The following RHOJ variants were observed in gnomAD, a reference collection of about 807,000 sequenced individuals.
RHOJ encodes ras homolog family member J, also known as rho-related GTP-binding protein RhoJ.
A neutral mutation model predicts 23.4 loss-of-function variants in RHOJ; 11 were observed. The ratio of observed to expected loss-of-function variants is 0.47; its 90% CI spans 0.30 to 0.78. RHOJ has a LOEUF of 0.78. RHOJ is among the 30% of genes least tolerant of loss of function. RHOJ has a pLI of 0.08. For synonymous variants in RHOJ, 102 were observed against 102.7 expected (o/e 0.99, Z 0.04); for missense variants, 254 against 273.4 (o/e 0.93, Z 0.50).
intron 1 of RHOJ, among the ~76,000 whole-genome samples, chr14:63,268,266 A>G (rs188732541): frequency 1.3e-5 from 2 of 152,202 alleles, no homozygotes; most frequent in East Asian, 3.9e-4. Flanking sequence ...AAAGAATTCT[A>G]TTACTCCTGC....
At chr14:63,266,261 C>A (rs8017543) in intron 1 of RHOJ, among the ~76,000 whole-genome samples, 1 of 152,242 alleles carries the variant, frequency 6.6e-6, no homozygotes, top group South Asian at 2.1e-4. Context: ...TACTACAGAG[C>A]CTGTTTTGTC....
At chr14:63,235,705 A>C (rs1040075988) in intron 1 of RHOJ, among the ~76,000 whole-genome samples, 1 of 152,250 alleles carries the variant, frequency 6.6e-6, no homozygotes, top group Non-Finnish European at 1.5e-5. Context: ...TCTTAAAATA[A>C]TAACTGTCCC....
intron 4 of RHOJ, among the ~76,000 whole-genome samples, chr14:63,289,097 CCACAAGTT>C (rs1882170486): frequency 6.6e-6 from 1 of 152,190 alleles, no homozygotes; most frequent in African/African-American, 2.4e-5. Context: ...CTAAGCTAAA[CCACAAGTT>C]CACTTAGTCC....
At chr14:63,206,881 G>A (rs578186236) in intron 1 of RHOJ, among the ~76,000 whole-genome samples, 3 of 152,182 alleles carry the variant, frequency 2.0e-5, no homozygotes, top group Non-Finnish European at 4.4e-5. Context: ...CACATAGTAA[G>A]CATTCCTAAA....
intron 4 of RHOJ, among the ~76,000 whole-genome samples, chr14:63,286,225 C>T (rs1342336512): frequency 6.6e-6 from 1 of 152,126 alleles, no homozygotes; most frequent in African/African-American, 2.4e-5. Flanking sequence ...GTCACTTCAC[C>T]ACTGGTGTCT....
At chr14:63,239,198 G>A (rs563379548) in intron 1 of RHOJ, among the ~76,000 whole-genome samples, 3 of 152,040 alleles carry the variant, frequency 2.0e-5, no homozygotes, top group East Asian at 3.9e-4. Flanking sequence ...CGCAACCTCC[G>A]CCTCCCAGAT....
chr14:63,290,855 C>A (rs761629571), intron 4 of RHOJ, 23 bp from the exon 5 acceptor site: 4 of 1,590,602 alleles, frequency 2.5e-6, no homozygotes, highest in Admixed American at 1.8e-5. Context: ...ATCTCTCATG[C>A]CTTTCTCTCT....
At chr14:63,205,969 A>G (rs1043269797) in intron 1 of RHOJ, among the ~76,000 whole-genome samples, 1 of 152,196 alleles carries the variant, frequency 6.6e-6, no homozygotes, top group African/African-American at 2.4e-5. Flanking sequence ...CTTTTTTATC[A>G]TAGTGATCTT....
At chr14:63,285,624 T>C (rs1043226788) in intron 4 of RHOJ, among the ~76,000 whole-genome samples, 6 of 152,228 alleles carry the variant, frequency 3.9e-5, no homozygotes, top group Non-Finnish European at 8.8e-5. Context: ...TAATTTATTA[T>C]AAATATTCAT....
At chr14:63,239,016 G>A (rs538604113) in intron 1 of RHOJ, among the ~76,000 whole-genome samples, 2 of 152,268 alleles carry the variant, frequency 1.3e-5, no homozygotes, top group South Asian at 2.1e-4. Flanking sequence ...GAAAGTGGGG[G>A]CCCAACTTAG....
chr14:63,277,362 G>C (rs1320160607), intron 2 of RHOJ, among the ~76,000 whole-genome samples: 1 of 152,176 alleles, frequency 6.6e-6, no homozygotes, highest in Non-Finnish European at 1.5e-5. Flanking sequence ...GGAGATGATA[G>C]TGAAGTACAG....
chr14:63,253,862 A>G lies in RHOJ; in HGVS notation c.179-15248A>G, dbSNP rs1238721251. On this transcript the variant is annotated intron_variant, in intron 1 of 4. Transcript: ENST00000316754. Reference sequence around the variant, plus strand: ...GAGTTTGTCTCAGGAGGTATGGCTAATATCCATTTATTTTCACTAATTCTT... The same window carrying G: ...GAGTTTGTCTCAGGAGGTATGGCTAGTATCCATTTATTTTCACTAATTCTT... 3.9e-5 allele frequency among the ~76,000 whole-genome samples: 6 copies of G among 152,214 alleles called. No homozygotes were observed. In the East Asian group the frequency reaches 1.2e-3, roughly 29 times the overall value.
At chr14:63,214,867 G>A (rs546673959) in intron 1 of RHOJ, among the ~76,000 whole-genome samples, 11 of 152,146 alleles carry the variant, frequency 7.2e-5, no homozygotes, top group Middle Eastern at 3.4e-3. Flanking sequence ...GAATCACTCC[G>A]CAAATGAAAA....
At chr14:63,211,272 C>A (rs560977893) in intron 1 of RHOJ, among the ~76,000 whole-genome samples, 1 of 152,154 alleles carries the variant, frequency 6.6e-6, no homozygotes, top group African/African-American at 2.4e-5. Flanking sequence ...TAGTTCTGCT[C>A]ATTTGGGAAA....
In RHOJ at chr14:63,291,264, A is replaced by G; in HGVS notation, c.*240A>G. 3 of 544,374 alleles carry G rather than the reference A, an allele frequency of 5.5e-6. No individual in the cohort carries two copies. The highest frequency in any genetic ancestry group is 3.3e-6 in the Non-Finnish European group (1 of 300,486). The allele number at this position is 544,374 out of a possible 1,614,324, so 33.7% of individuals were successfully genotyped here. On this transcript the variant is annotated 3_prime_UTR_variant, in exon 5 of 5. Coordinates refer to ENST00000316754, the MANE Select transcript of RHOJ (RefSeq NM_020663.5). ...TCTGAGAATGCTGGGCCTGGATTGC[A>G]GACAGTGCCGCTGCTGATCGCATCA...
chr14:63,286,397 A>G (rs1486202917), intron 4 of RHOJ, among the ~76,000 whole-genome samples: 1 of 152,208 alleles, frequency 6.6e-6, no homozygotes, highest in Non-Finnish European at 1.5e-5. Context: ...ACCAGGTAAC[A>G]TCTTATCCAG....
chr14:63,268,011 G>C (rs1895398542), intron 1 of RHOJ, among the ~76,000 whole-genome samples: 1 of 152,194 alleles, frequency 6.6e-6, no homozygotes, highest in African/African-American at 2.4e-5. Context: ...TACCGAATCA[G>C]CAACTCTAAG....
chr14:63,279,034 G>A (rs1325810016), intron 2 of RHOJ, among the ~76,000 whole-genome samples: 1 of 152,152 alleles, frequency 6.6e-6, no homozygotes, highest in East Asian at 1.9e-4. Flanking sequence ...CAATGTTTAA[G>A]CAGTAGCTCC....
intron 1 of RHOJ, among the ~76,000 whole-genome samples, chr14:63,212,551 T>C (rs1328978652): frequency 6.6e-6 from 1 of 152,190 alleles, no homozygotes; most frequent in Non-Finnish European, 1.5e-5. Flanking sequence ...TCTACCCATA[T>C]ACACAATTTG....
Sources: gnomAD v4.1 joint callset for allele counts (sites outside exome capture counted in the v4.1 genomes callset) on GRCh38, gnomAD v4.1.1 for gene constraint, MANE v1.5 for transcripts, NCBI Gene and HGNC (gene_info 2026-07-23, HGNC 2026-07-21) for gene names.